Variants in CDH22 observed in about 807,000 individuals in gnomAD.
CDH22 encodes the protein cadherin 22.
Under a neutral mutation model 58.4 loss-of-function variants are expected in CDH22, and 30 were observed. That is an observed-to-expected ratio of 0.51 (90% CI 0.38 to 0.70). CDH22 has a LOEUF of 0.70. CDH22 is among the 30% of genes least tolerant of loss of function. The pLI is 0.00. For synonymous variants in CDH22, 513 were observed against 558.2 expected (o/e 0.92, Z 1.14); for missense variants, 1,014 against 1,233.9 (o/e 0.82, Z 2.67).
At chr20:46,253,291 GA>G (rs2086390122) in intron 1 of CDH22, among the ~76,000 whole-genome samples, 3 of 152,166 alleles carry the variant, frequency 2.0e-5, no homozygotes, top group African/African-American at 7.2e-5. Flanking sequence ...ATCTCCTCCG[GA>G]AAATCTTTAT....
intron 11 of CDH22, among the ~76,000 whole-genome samples, chr20:46,175,636 TC>T (rs1221262130): frequency 6.6e-6 from 1 of 152,162 alleles, no homozygotes; most frequent in Non-Finnish European, 1.5e-5. Flanking sequence ...CCTGCAAGAT[TC>T]CCCAGGACGG....
In CDH22 at chr20:46,174,907, C is replaced by T; in HGVS notation, c.2086G>A (p.Glu696Lys). 1 of 1,498,208 alleles carries T rather than the reference C, an allele frequency of 6.7e-7. No individual in the cohort carries two copies. The highest frequency in any genetic ancestry group is 1.2e-5 in the South Asian group (1 of 81,448). 92.8% of individuals were successfully genotyped at this position (1,498,208 alleles called of 1,614,324 possible). ...CCGCCCCCGTCGCCGCCCTTGAGCT[C>T]GCCGAAGTCGTAGAGGCTCCGCAGC... Reference protein sequence around the residue: ...SALRSLYDFGELKGGDGGGSA... With the variant: ...SALRSLYDFGKLKGGDGGGSA... The change falls in exon 12 of 12, where the codon GAG (glutamate) becomes AAG (lysine). Residue 696 changes from glutamate to lysine, a missense_variant. This residue lies in a region of CDH22 where 806 missense variants were observed against 1,038.7 expected (regional missense o/e 0.78). Coordinates refer to ENST00000537909, the MANE Select transcript of CDH22 (RefSeq NM_021248.3). This position sits in a 1 kb window ranked among gnomAD's most constrained non-coding sequence, Gnocchi z 4.4.
At chr20:46,201,761 C>T (rs2085962998) in intron 7 of CDH22, among the ~76,000 whole-genome samples, 1 of 152,204 alleles carries the variant, frequency 6.6e-6, no homozygotes, top group South Asian at 2.1e-4. Context: ...TCCTAAACTG[C>T]TAAACCCATA....
At chr20:46,237,984 G>A (rs1230932147) in intron 3 of CDH22, among the ~76,000 whole-genome samples, 1 of 152,194 alleles carries the variant, frequency 6.6e-6, no homozygotes. Flanking sequence ...CAGAGTCACA[G>A]TGAGAGTGAA....
intron 1 of CDH22, among the ~76,000 whole-genome samples, chr20:46,262,391 G>C (rs960270272): frequency 1.3e-5 from 2 of 151,990 alleles, no homozygotes; most frequent in Non-Finnish European, 2.9e-5. Context: ...GGCTGACCTG[G>C]GGCCCCCAGT....
At chr20:46,196,384 G>T (rs530149296) in intron 8 of CDH22, among the ~76,000 whole-genome samples, 18 of 151,988 alleles carry the variant, frequency 1.2e-4, no homozygotes, top group African/African-American at 4.1e-4. Context: ...AGCGATTCTC[G>T]TGCCTTAGCC....
intron 8 of CDH22, among the ~76,000 whole-genome samples, chr20:46,191,426 TGGGGATG>T (rs1348677352): frequency 6.6e-6 from 1 of 151,906 alleles, no homozygotes; most frequent in African/African-American, 2.4e-5. Flanking sequence ...GGCGTGGGGA[TGGGGATG>T]GGGGCCAATG....
chr20:46,228,076 A>T (rs1600706665), intron 3 of CDH22, among the ~76,000 whole-genome samples: 1 of 152,118 alleles, frequency 6.6e-6, no homozygotes, highest in Non-Finnish European at 1.5e-5. Context: ...AGGACTGGAA[A>T]CCAGGACCTG....
intron 3 of CDH22, among the ~76,000 whole-genome samples, chr20:46,229,443 T>C (rs1036004737): frequency 6.6e-6 from 1 of 152,060 alleles, no homozygotes; most frequent in African/African-American, 2.4e-5. Context: ...TACAGTGACT[T>C]TGGGGACAGT....
intron 6 of CDH22, among the ~76,000 whole-genome samples, chr20:46,211,417 C>T (rs1018416487): frequency 3.3e-5 from 5 of 152,222 alleles, no homozygotes; most frequent in Admixed American, 6.5e-5. Flanking sequence ...GCAAAAACAG[C>T]CGTGTCCTGC....
In CDH22 at chr20:46,199,431, A is replaced by G. The variant is rs747990142; in HGVS notation, c.1415T>C (p.Met472Thr). 1.2e-6 allele frequency: 2 copies of G among 1,610,886 alleles called. No individual in the cohort carries two copies. The highest frequency in any genetic ancestry group is 1.7e-6 in the Non-Finnish European group (2 of 1,179,606). The change falls in exon 8 of 12, where the codon ATG becomes ACG. Residue 472 changes from methionine to threonine, a missense_variant. By Grantham distance (81) the Met-to-Thr change is moderately conservative. Around this residue, in one of 2 missense-constraint regions of CDH22, gnomAD observed 806 missense variants for 1,038.7 expected, o/e 0.78. Coordinates refer to ENST00000537909, the MANE Select transcript of CDH22 (RefSeq NM_021248.3). ...AGWHNITVLA[M>T]EADNHAQLSR... ...CGTGGCGCCCAGCTCACCCGCCTCC[A>G]TGGCCAGCACTGTGATGTTGTGCCA...
chr20:46,228,043 A>G (rs1339949923), intron 3 of CDH22, among the ~76,000 whole-genome samples: 2 of 152,220 alleles, frequency 1.3e-5, no homozygotes, highest in African/African-American at 2.4e-5. Context: ...CAATCATTAC[A>G]GTCATCACAG....
At chr20:46,276,576 C>A (rs2145762622) in intron 1 of CDH22, among the ~76,000 whole-genome samples, 1 of 152,342 alleles carries the variant, frequency 6.6e-6, no homozygotes, top group South Asian at 2.1e-4. Flanking sequence ...GTTCTATCTC[C>A]TTTAATCCAC....
chr20:46,296,147 G>A (rs947058843), intron 1 of CDH22, among the ~76,000 whole-genome samples: 3 of 152,154 alleles, frequency 2.0e-5, no homozygotes, highest in Non-Finnish European at 4.4e-5. Context: ...TCGCAGTAGG[G>A]GAGTGGCAGA....
intron 10 of CDH22, among the ~76,000 whole-genome samples, chr20:46,184,884 G>C (rs1248346259): frequency 2.0e-5 from 3 of 152,150 alleles, no homozygotes; most frequent in African/African-American, 7.2e-5. Flanking sequence ...TCAGGAGTTC[G>C]AGACCAGCCT....
At chr20:46,197,993 C>G (rs2085920034) in intron 8 of CDH22, among the ~76,000 whole-genome samples, 1 of 152,052 alleles carries the variant, frequency 6.6e-6, no homozygotes, top group Non-Finnish European at 1.5e-5. Context: ...TGTTGCCTAC[C>G]CGCCTGCAGC....
chr20:46,250,585 G>A (rs994997752), intron 2 of CDH22, among the ~76,000 whole-genome samples: 4 of 152,202 alleles, frequency 2.6e-5, no homozygotes, highest in Admixed American at 1.3e-4. Context: ...GAAGAGCAAC[G>A]GAAGGGCAGT....
Position 46,227,531 on chromosome 20 carries a change from T to A in CDH22, c.647A>T (p.His216Leu). ...LVYSVLDGEHHFTVDPKTGVI... is the reference protein window; with the variant it reads ...LVYSVLDGEHLFTVDPKTGVI... ...ACCGGTCTTGGGGTCCACGGTGAAG[T>A]GGTGCTCGCCGTCCAGCACGCTGTA... Residue 216 changes from histidine to leucine, a missense_variant, in exon 4 of 12, where the codon CAC (histidine) becomes CTC (leucine). His to Leu is a moderately conservative substitution (Grantham distance 99). Transcript: ENST00000537909. The A allele has an allele frequency of 6.2e-7, 1 of 1,601,212 alleles. No individual in the cohort carries two copies. Among genetic ancestry groups the A allele is most frequent in the Non-Finnish European group, 8.5e-7 (1 of 1,174,908 alleles).
rs139196333 is a variant in CDH22, at chr20:46,199,550, A to G, written c.1296T>C (p.Ile432=). ...DAANRPVRYA[I]DRESDLDQIF... is the part of the protein sequence containing the mutation. ...TCTGGTCCAAATCTGATTCGCGGTC[A>G]ATGGCGTACCTGCGGGGGGCAGGGC... The change falls in exon 8 of 12, where the codon ATT becomes ATC. Residue 432 remains isoleucine (I), a synonymous_variant. Transcript: ENST00000537909. 1.9e-4 allele frequency: 307 copies of G among 1,613,698 alleles called. No individual in the cohort carries two copies. In the African/African-American group the frequency reaches 3.3e-3, roughly 17 times the overall value.
Sources: gnomAD v4.1 joint callset for allele counts (sites outside exome capture counted in the v4.1 genomes callset) on GRCh38, gnomAD v4.1.1 for gene constraint, gnomAD v4.1.1 regional missense constraint, Gnocchi (gnomAD v3.1) non-coding constraint, MANE v1.5 for transcripts, NCBI Gene and HGNC (gene_info 2026-07-23, HGNC 2026-07-21) for gene names.